The following CLIC5 variants were observed in gnomAD, a reference collection of about 807,000 sequenced individuals.
CLIC5 encodes chloride intracellular channel protein 5.
A neutral mutation model predicts 24.7 loss-of-function variants in CLIC5; 20 were observed. That is an observed-to-expected ratio of 0.81 (90% CI 0.57 to 1.18). The LOEUF (loss-of-function observed/expected upper bound fraction) is 1.18, where lower values mean the gene tolerates loss of function less well. CLIC5 is among the 50% of genes most tolerant of loss of function. The probability of loss-of-function intolerance (pLI) is 0.00; values close to 1 mark genes in which losing one functional copy is unlikely to be tolerated. For synonymous variants in CLIC5, 159 were observed against 135.6 expected, an observed-to-expected ratio of 1.17 and a Z score of -1.20; for missense variants, 341 against 326.1, an observed-to-expected ratio of 1.05 and a Z score of -0.35.
At chr6:46,038,747 A>G (rs1378213431) in intron 1 of CLIC5, among the ~76,000 whole-genome samples, 1 of 152,192 alleles carries the variant, frequency 6.6e-6, no homozygotes, top group Admixed American at 6.5e-5. Context: ...TTTCTGAAAC[A>G]TTATGGCTTT....
intron 6 of CLIC5, among the ~76,000 whole-genome samples, chr6:45,893,318 C>T (rs67919193): frequency 0.082 from 12,348 of 151,330 alleles, 696 homozygotes; most frequent in African/African-American, 0.16. Flanking sequence ...AATGTGGGTG[C>T]AAGAAGAAAG....
intron 1 of CLIC5, among the ~76,000 whole-genome samples, chr6:46,043,010 T>C (rs1448136039): frequency 6.6e-6 from 1 of 152,196 alleles, no homozygotes; most frequent in Non-Finnish European, 1.5e-5. Context: ...GCAAGGTTGC[T>C]GACTGAAAAA....
rs76900965 is a variant in CLIC5 at position 45,904,773 on chromosome 6, A to C, written c.589-1518T>G. On this transcript the variant is annotated intron_variant, in intron 5 of 5. Coordinates refer to ENST00000339561, the MANE Select transcript of CLIC5 (RefSeq NM_016929.5). ...TTTTTGGGGGGATACAAGGGGGTAC[A>C]TGTGCAGGCTTGTTACCTGGGTATA... 3.1e-3 allele frequency among the ~76,000 whole-genome samples: 452 copies of C among 145,910 alleles called. 13 individuals are homozygous for C. In the East Asian group the frequency reaches 0.053, roughly 17 times the overall value.
chr6:45,958,454 A>ATG (rs1360928525), intron 1 of CLIC5, among the ~76,000 whole-genome samples: 2 of 132,006 alleles, frequency 1.5e-5, no homozygotes, highest in East Asian at 2.3e-4. Context: ...ATATATATAT[A>ATG]TATATATATA....
chr6:45,933,872 G>A (rs1763836476), intron 4 of CLIC5, among the ~76,000 whole-genome samples: 1 of 152,178 alleles, frequency 6.6e-6, no homozygotes, highest in Non-Finnish European at 1.5e-5. Flanking sequence ...AGAGAACACA[G>A]GGATTGTGAG....
At chr6:46,004,558 C>T (rs1315713383) in intron 1 of CLIC5, among the ~76,000 whole-genome samples, 1 of 152,176 alleles carries the variant, frequency 6.6e-6, no homozygotes, top group Non-Finnish European at 1.5e-5. Flanking sequence ...CTAAACACTG[C>T]ATTGAGCTAC....
At chr6:45,958,458 A>G (rs1457939843) in intron 1 of CLIC5, among the ~76,000 whole-genome samples, 5 of 134,350 alleles carry the variant, frequency 3.7e-5, no homozygotes, top group Admixed American at 3.7e-4. Context: ...ATATATATAT[A>G]TATATATATA....
chr6:46,063,458 T>C (rs577647320), intron 1 of CLIC5, among the ~76,000 whole-genome samples: 7 of 152,232 alleles, frequency 4.6e-5, no homozygotes, highest in African/African-American at 1.7e-4. Flanking sequence ...TCTCTCTGAG[T>C]TGAGCAGACA....
intron 6 of CLIC5, among the ~76,000 whole-genome samples, chr6:45,893,300 T>C (rs1241939165): frequency 6.6e-6 from 1 of 152,000 alleles, no homozygotes; most frequent in Non-Finnish European, 1.5e-5. Context: ...AATCGTGTGA[T>C]ACATAAGAAT....
the CLIC5 span, among the ~76,000 whole-genome samples, chr6:46,128,384 C>T: frequency 6.6e-6 from 1 of 152,220 alleles, no homozygotes; most frequent in Admixed American, 6.5e-5. Flanking sequence ...AATGAACAAA[C>T]AGGATATGCA....
In CLIC5 at chr6:45,914,407, G is replaced by T. The variant is rs1233224026; in HGVS notation, c.409C>A (p.Leu137Ile). ...AGAGCCTTGGTTAGGCCTCTTTCAAGAGCTGGCATGAAAGAGTAAAAGGGC... is the reference window on the plus strand; with the variant it reads ...AGAGCCTTGGTTAGGCCTCTTTCAATAGCTGGCATGAAAGAGTAAAAGGGC... ...KNTKQQNNAA[L>I]ERGLTKALKK... Residue 137 changes from leucine (L) to isoleucine (I), a missense_variant and splice_region_variant, in exon 5 of 6, where the codon CTT becomes ATT. Physicochemically the swap from Leu to Ile is conservative, Grantham distance 5. Transcript: ENST00000339561. The T allele has an allele frequency of 6.4e-7, 1 of 1,564,316 alleles. No homozygotes were observed.
At chr6:46,039,696 A>C (rs1767754596) in intron 1 of CLIC5, among the ~76,000 whole-genome samples, 1 of 152,220 alleles carries the variant, frequency 6.6e-6, no homozygotes, top group African/African-American at 2.4e-5. Flanking sequence ...TAAGTTATAA[A>C]TGTTAAAAAG....
intron 1 of CLIC5, among the ~76,000 whole-genome samples, chr6:46,004,059 C>T (rs1037142204): frequency 2.6e-5 from 4 of 152,066 alleles, no homozygotes; most frequent in Non-Finnish European, 4.4e-5. Context: ...TGGGAAATAA[C>T]GCTGGGAAAA....
In CLIC5 at chr6:45,954,858, G is replaced by A. The variant is rs368588711; in HGVS notation, c.173+277C>T. On this transcript the variant is annotated intron_variant, in intron 2 of 5. Transcript: ENST00000339561. Reference sequence around the variant, plus strand: ...TGTTTTTAGATGTCTGTGCCCATATGTGCACCAGAAACTTAGTTGCAATGC... The same window carrying A: ...TGTTTTTAGATGTCTGTGCCCATATATGCACCAGAAACTTAGTTGCAATGC... Among the ~76,000 whole-genome samples, 7 of 152,194 alleles carry A rather than the reference G, an allele frequency of 4.6e-5. No individual in the cohort carries two copies. In the East Asian group the frequency reaches 1.2e-3, roughly 25 times the overall value.
intron 4 of CLIC5, chr6:45,920,384 T>A: frequency 1.4e-6 from 1 of 730,568 alleles, no homozygotes; most frequent in Non-Finnish European, 1.7e-6. Flanking sequence ...AAGAAATATC[T>A]AGATATTGAG....
chr6:46,098,138 T>C, the CLIC5 span, among the ~76,000 whole-genome samples: 1 of 152,196 alleles, frequency 6.6e-6, no homozygotes, highest in African/African-American at 2.4e-5. Flanking sequence ...TTTCTAAAAG[T>C]TAAAACATCT....
At chr6:45,887,647 T>C (rs1561910977) in intron 6 of CLIC5, among the ~76,000 whole-genome samples, 1 of 152,234 alleles carries the variant, frequency 6.6e-6, no homozygotes, top group East Asian at 1.9e-4. Flanking sequence ...GTCACATGAA[T>C]ACTTGGAAGG....
At chr6:46,082,615 T>C (rs1344678972), upstream of CLIC5, among the ~76,000 whole-genome samples, 1 of 152,180 alleles carries the variant, frequency 6.6e-6, no homozygotes, top group Admixed American at 6.5e-5. Context: ...CCTTTTACAT[T>C]GGCTATTCTC....
intron 4 of CLIC5, among the ~76,000 whole-genome samples, chr6:45,935,881 A>G (rs1763912069): frequency 2.0e-5 from 3 of 152,152 alleles, no homozygotes; most frequent in African/African-American, 4.8e-5. Context: ...TAGCAGGCAA[A>G]AGTCTCCCAG....
Sources: allele counts gnomAD v4.1 joint callset (sites outside exome capture counted in the v4.1 genomes callset), GRCh38; gene constraint gnomAD v4.1.1; transcripts MANE v1.5; gene names NCBI Gene and HGNC (gene_info 2026-07-23, HGNC 2026-07-21).